Variants in DHPS observed in about 807,000 individuals in gnomAD.
DHPS encodes migration-inducing gene 13.
Under a neutral mutation model 38.7 loss-of-function variants are expected in DHPS, and 24 were observed. The observed-to-expected ratio is 0.62, with a 90% CI of 0.45 to 0.87. The LOEUF (loss-of-function observed/expected upper bound fraction) is 0.87. DHPS is among the 40% of genes least tolerant of loss of function. The probability of loss-of-function intolerance (pLI) is 0.00; values close to 1 mark genes in which losing one functional copy is unlikely to be tolerated. For missense variants in DHPS, 510 were observed against 497.6 expected, an observed-to-expected ratio of 1.02 and a Z score of -0.24; for synonymous variants, 250 against 204.4, an observed-to-expected ratio of 1.22 and a Z score of -1.90.
chr19:12,675,805 GA>G lies in DHPS; in HGVS notation c.*32del. On this transcript the variant is annotated 3_prime_UTR_variant, in exon 9 of 9. Coordinates refer to ENST00000210060, the MANE Select transcript of DHPS (RefSeq NM_001930.4). Reference sequence around the variant, plus strand: ...TGGGTCTGCAAATTAATAAATAGAAGAGGGGGTAAGACCTTCCTGGGACCGC... The same window carrying G: ...TGGGTCTGCAAATTAATAAATAGAAGGGGGGTAAGACCTTCCTGGGACCGC... The G allele has an allele frequency of 6.4e-7, 1 of 1,570,932 alleles. No homozygotes were observed. The highest frequency in any genetic ancestry group is 8.6e-7 in the Non-Finnish European group (1 of 1,156,236).
chr19:12,678,309 C>G (rs1271955385), intron 5 of DHPS, among the ~76,000 whole-genome samples: 2 of 150,346 alleles, frequency 1.3e-5, no homozygotes, highest in Non-Finnish European at 3.0e-5. Context: ...CCCATCTCTA[C>G]AAAAACAATT....
intron 6 of DHPS, 23 bp downstream of exon 6, chr19:12,677,268 C>G (rs377182954): frequency 1.9e-6 from 3 of 1,613,872 alleles, no homozygotes; most frequent in Non-Finnish European, 2.5e-6. Context: ...CTTCCCCTCT[C>G]CTCTGTGGCC....
chr19:12,680,620 AC>A (rs990123052), intron 1 of DHPS, among the ~76,000 whole-genome samples: 7 of 142,758 alleles, frequency 4.9e-5, no homozygotes, highest in African/African-American at 1.6e-4. Context: ...TGCAAGCTCC[AC>A]CTCCCGGGTT....
chr19:12,681,177 G>C, intron 1 of DHPS: 1 of 1,248,566 alleles, frequency 8.0e-7, no homozygotes, highest in Non-Finnish European at 1.0e-6. Flanking sequence ...TTTCAGATCC[G>C]GTCCCTTCCC....
downstream of DHPS, chr19:12,675,640 G>A: frequency 1.9e-6 from 3 of 1,601,704 alleles, no homozygotes; most frequent in Non-Finnish European, 2.5e-6. Flanking sequence ...CTGGCGAGAG[G>A]AGGCCTATGA....
rs1234504786 is a variant in DHPS, at chr19:12,681,811, C to G, written c.-45G>C. 1.9e-6 allele frequency: 3 copies of G among 1,561,896 alleles called. No homozygotes were observed. Among genetic ancestry groups the G allele is most frequent in the African/African-American group, 1.3e-5 (1 of 74,082 alleles). ...GAGTCAAAGCTGCCCCTAGGCCGGG[C>G]TTACGGCGGCCCAGAAACGCGTTAA... On this transcript the variant is annotated 5_prime_UTR_variant, in exon 1 of 9. Transcript: ENST00000210060.
At chr19:12,674,380 C>T (rs917154065), downstream of DHPS, among the ~76,000 whole-genome samples, 2 of 152,092 alleles carry the variant, frequency 1.3e-5, no homozygotes, top group African/African-American at 2.4e-5. Context: ...GGGGGAATCT[C>T]GGCAAAGGAG....
chr19:12,673,269 G>A, downstream of DHPS: 1 of 1,614,128 alleles, frequency 6.2e-7, no homozygotes. Context: ...CACACATGTG[G>A]TCAGCTGTTC....
chr19:12,681,059 C>G, intron 1 of DHPS: 6 of 1,121,636 alleles, frequency 5.3e-6, no homozygotes, highest in Non-Finnish European at 7.0e-6. Context: ...GTCTCGAACT[C>G]CTCTTCTCTT....
At position 12,681,195 on chromosome 19, in the gene DHPS, A is replaced by G; in HGVS notation, c.207+365T>C. The G allele has an allele frequency of 2.4e-6, 3 of 1,227,816 alleles. No homozygotes were observed. In the South Asian group the frequency reaches 4.3e-5, roughly 18 times the overall value. 76.1% of individuals were successfully genotyped at this position (1,227,816 alleles called of 1,614,324 possible). ...CAGATCCGGTCCCTTCCCCGCTGGG[A>G]AAAGCAAATCTAAATTCAAGAACCG... On this transcript the variant is annotated intron_variant, in intron 1 of 8. Coordinates refer to ENST00000210060, the MANE Select transcript of DHPS (RefSeq NM_001930.4).
rs36111604 is a variant in DHPS at position 12,679,478 on chromosome 19, G to A, written c.657C>T (p.Ser219=). ...TCACCTTCTGGGCCCAGTAATACAC[G>A]GACTCTGGGTTGTTGATCTCCTTGC... ...RLGKEINNPE[S]VYYWAQKNHI... The change falls in exon 5 of 9, where the codon TCC becomes TCT. Residue 219 remains serine (S), a synonymous_variant. Coordinates refer to ENST00000210060, the MANE Select transcript of DHPS (RefSeq NM_001930.4). 9 of 1,613,994 alleles carry A rather than the reference G, an allele frequency of 5.6e-6. No homozygotes were observed. The highest frequency in any genetic ancestry group is 1.7e-5 in the Admixed American group (1 of 59,998).
Position 12,677,345 on chromosome 19 carries a change from T to G in DHPS, c.730A>C (p.Met244Leu). 6.2e-7 allele frequency: 1 copy of G among 1,614,174 alleles called. No homozygotes were observed. The highest frequency in any genetic ancestry group is 1.1e-5 in the South Asian group (1 of 91,076). ...PALTDGSLGD[M>L]IFFHSYKNPG... ...TTCTTGTAGGAATGGAAGAAGATCA[T>G]GTCGCCCAGCGAGCCGTCTGTAAGT... The change falls in exon 6 of 9, where the codon ATG becomes CTG. Residue 244 changes from methionine to leucine, a missense_variant. Coordinates refer to ENST00000210060, the MANE Select transcript of DHPS (RefSeq NM_001930.4).
intron 1 of DHPS, 163 bp downstream of exon 1, chr19:12,681,397 G>A (rs1223608523): frequency 4.8e-6 from 5 of 1,047,712 alleles, no homozygotes; most frequent in African/African-American, 3.2e-5. Context: ...CCCTTCCCAG[G>A]ACAGAAACTC....
downstream of DHPS, chr19:12,673,045 G>T: frequency 6.2e-7 from 1 of 1,613,708 alleles, no homozygotes; most frequent in Non-Finnish European, 8.5e-7. Context: ...GGGATGGGCA[G>T]TGCACCCTGG....
chr19:12,676,505 T>C, intron 7 of DHPS: 1 of 244,720 alleles, frequency 4.1e-6, no homozygotes, highest in Non-Finnish European at 8.1e-6. Flanking sequence ...CCACCATCTG[T>C]TCACCACATG....
At position 12,681,809 on chromosome 19, in the gene DHPS, G is replaced by A; in HGVS notation, c.-43C>T. 6.4e-7 allele frequency: 1 copy of A among 1,562,014 alleles called. No individual in the cohort carries two copies. Among genetic ancestry groups the A allele is most frequent in the African/African-American group, 1.4e-5 (1 of 74,070 alleles). On this transcript the variant is annotated 5_prime_UTR_variant, in exon 1 of 9. Transcript: ENST00000210060. ...TCGAGTCAAAGCTGCCCCTAGGCCG[G>A]GCTTACGGCGGCCCAGAAACGCGTT...
chr19:12,674,972 G>C (rs1465039127), downstream of DHPS, among the ~76,000 whole-genome samples: 1 of 151,946 alleles, frequency 6.6e-6, no homozygotes, highest in Non-Finnish European at 1.5e-5. Context: ...AAATTAGCTG[G>C]GCATGGTAGC....
At chr19:12,676,235 G>A (rs562767005) in intron 7 of DHPS, 93 bp from the exon 8 acceptor site, 2 of 1,434,504 alleles carry the variant, frequency 1.4e-6, no homozygotes, top group Admixed American at 2.3e-5. Flanking sequence ...GCTGAGAGGT[G>A]TGTCCCAGAT....
downstream of DHPS, among the ~76,000 whole-genome samples, chr19:12,674,912 G>A (rs1477548993): frequency 6.6e-6 from 1 of 151,402 alleles, no homozygotes; most frequent in Non-Finnish European, 1.5e-5. Context: ...TCAGGAGATA[G>A]AGATCATCCT....
Sources: allele counts gnomAD v4.1 joint callset (sites outside exome capture counted in the v4.1 genomes callset), GRCh38; gene constraint gnomAD v4.1.1; transcripts MANE v1.5; gene names NCBI Gene and HGNC (gene_info 2026-07-23, HGNC 2026-07-21).